Variants in SLCO2A1 observed in about 807,000 individuals in gnomAD.
SLCO2A1 encodes the protein matrin F/G 1.
In SLCO2A1, 60 loss-of-function variants were observed where a neutral mutation model predicts 71.7. The observed-to-expected ratio is 0.84, with a 90% CI of 0.68 to 1.04. The LOEUF is 1.04. Ranked by LOEUF, SLCO2A1 falls within the 50% of genes least tolerant of loss-of-function variation. The pLI, the probability that SLCO2A1 is intolerant of heterozygous loss-of-function variation, is 0.00. For synonymous variants in SLCO2A1, 308 were observed against 326.7 expected (o/e 0.94, Z 0.62); for missense variants, 745 against 813.4 (o/e 0.92, Z 1.02).
chr3:134,006,732 A>T (rs1335098042), intron 1 of SLCO2A1, among the ~76,000 whole-genome samples: 1 of 152,202 alleles, frequency 6.6e-6, no homozygotes, highest in African/African-American at 2.4e-5. Context: ...ATTGATGGAC[A>T]TCTGGGTTAT....
chr3:133,942,553 G>A (rs753703279), intron 11 of SLCO2A1, 52 bp downstream of exon 11: 12 of 1,546,614 alleles, frequency 7.8e-6, no homozygotes, highest in Middle Eastern at 3.7e-4. Flanking sequence ...GTCAAAGGGA[G>A]ATGTGGGGAA....
chr3:133,987,787 T>C (rs1269641955), intron 1 of SLCO2A1, among the ~76,000 whole-genome samples: 2 of 151,916 alleles, frequency 1.3e-5, no homozygotes, highest in African/African-American at 2.4e-5. Flanking sequence ...AGTCCAGGAG[T>C]TGGAGGAAAA....
intron 1 of SLCO2A1, among the ~76,000 whole-genome samples, chr3:133,989,946 G>T (rs1934802482): frequency 6.6e-6 from 1 of 152,248 alleles, no homozygotes; most frequent in Non-Finnish European, 1.5e-5. Flanking sequence ...AGCCAGAGGA[G>T]CAGGGCTTCC....
chr3:133,938,596 G>A, intron 11 of SLCO2A1, 103 bp from the exon 12 acceptor site: 1 of 1,029,904 alleles, frequency 9.7e-7, no homozygotes, highest in South Asian at 1.3e-5. Flanking sequence ...CAGCCCTGAT[G>A]TGGCCTGACG....
intron 13 of SLCO2A1, among the ~76,000 whole-genome samples, chr3:133,935,394 G>GC: frequency 6.6e-6 from 1 of 152,258 alleles, no homozygotes; most frequent in South Asian, 2.1e-4. Context: ...CCATGATGTG[G>GC]CCCCCCTCTG....
intron 9 of SLCO2A1, among the ~76,000 whole-genome samples, chr3:133,946,712 A>G (rs1326807198): frequency 6.6e-6 from 1 of 152,214 alleles, no homozygotes; most frequent in East Asian, 1.9e-4. Flanking sequence ...TCTTAAGAAA[A>G]CAGAACTCTA....
At chr3:133,943,167 A>G (rs1933474610) in intron 10 of SLCO2A1, among the ~76,000 whole-genome samples, 1 of 152,238 alleles carries the variant, frequency 6.6e-6, no homozygotes, top group Non-Finnish European at 1.5e-5. Flanking sequence ...AGAGGGAGGC[A>G]TAAACAGTAG....
intron 4 of SLCO2A1, among the ~76,000 whole-genome samples, chr3:133,954,153 CT>C (rs60871049): frequency 0.19 from 11,501 of 60,874 alleles, 1,245 homozygotes; most frequent in Non-Finnish European, 0.29. Flanking sequence ...GTGGTGTGTT[CT>C]TTTTTTTTTT....
chr3:133,982,645 C>T (rs1241275139), intron 1 of SLCO2A1, among the ~76,000 whole-genome samples: 3 of 152,162 alleles, frequency 2.0e-5, no homozygotes, highest in East Asian at 3.9e-4. Flanking sequence ...CCCCATCCCT[C>T]AGCCCCATGG....
chr3:133,999,904 T>G (rs894811056), intron 1 of SLCO2A1, among the ~76,000 whole-genome samples: 2 of 152,206 alleles, frequency 1.3e-5, no homozygotes, highest in African/African-American at 4.8e-5. Flanking sequence ...CGAAGACTTC[T>G]GAGCAGAGAT....
intron 3 of SLCO2A1, among the ~76,000 whole-genome samples, chr3:133,968,527 T>A (rs1934243718): frequency 6.6e-6 from 1 of 152,200 alleles, no homozygotes. Flanking sequence ...ACTTCATGAA[T>A]AAAGGACTGG....
intron 1 of SLCO2A1, among the ~76,000 whole-genome samples, chr3:134,018,848 C>T (rs1559960297): frequency 1.3e-5 from 2 of 149,774 alleles, no homozygotes; most frequent in African/African-American, 2.5e-5. Context: ...GAGCAGATCT[C>T]TGCTTCTTAA....
chr3:133,948,732 G>A lies in SLCO2A1; in HGVS notation c.941-32C>T, dbSNP rs368579406. On this transcript the variant is annotated intron_variant, in intron 7 of 13. Coordinates refer to ENST00000310926, the MANE Select transcript of SLCO2A1 (RefSeq NM_005630.3). ...ACAGACCGCTGTCAAGGCTCTGGCA[G>A]AACCCCTGGGCTGCAGGCACACCTA... 5.2e-5 allele frequency: 83 copies of A among 1,608,128 alleles called. No homozygotes were observed. In the African/African-American group the frequency reaches 1.1e-3, roughly 21 times the overall value.
intron 1 of SLCO2A1, among the ~76,000 whole-genome samples, chr3:134,017,686 G>T (rs1405354257): frequency 3.9e-5 from 6 of 152,216 alleles, no homozygotes; most frequent in Non-Finnish European, 8.8e-5. Flanking sequence ...CGCCGCCACA[G>T]GCAGAAAGGG....
chr3:134,019,403 T>A (rs1243823321), intron 1 of SLCO2A1, among the ~76,000 whole-genome samples: 1 of 152,208 alleles, frequency 6.6e-6, no homozygotes, highest in Non-Finnish European at 1.5e-5. Context: ...TTAATCATCA[T>A]TATTATTATT....
intron 1 of SLCO2A1, among the ~76,000 whole-genome samples, chr3:133,994,586 T>A (rs1230613354): frequency 1.3e-5 from 2 of 152,244 alleles, no homozygotes; most frequent in Non-Finnish European, 2.9e-5. Context: ...ATGTTGATGG[T>A]GTCTGGGTTC....
chr3:134,022,107 TAA>T (rs1186534823), intron 1 of SLCO2A1, among the ~76,000 whole-genome samples: 3 of 150,942 alleles, frequency 2.0e-5, no homozygotes, highest in African/African-American at 4.9e-5. Context: ...GGAATTTATG[TAA>T]AAAGAGTATT....
At chr3:133,949,544 C>T (rs1013142797) in intron 6 of SLCO2A1, among the ~76,000 whole-genome samples, 1 of 152,206 alleles carries the variant, frequency 6.6e-6, no homozygotes, top group African/African-American at 2.4e-5. Flanking sequence ...TTGTCAGCTC[C>T]AGCCTAAGGC....
chr3:133,962,870 A>G (rs1374908118), intron 3 of SLCO2A1, among the ~76,000 whole-genome samples: 4 of 152,128 alleles, frequency 2.6e-5, no homozygotes, highest in Non-Finnish European at 5.9e-5. Context: ...TGCCTGCCCA[A>G]ACACAGCCAC....
Sources: gnomAD v4.1 joint callset for allele counts (sites outside exome capture counted in the v4.1 genomes callset) on GRCh38, gnomAD v4.1.1 for gene constraint, MANE v1.5 for transcripts, NCBI Gene and HGNC (gene_info 2026-07-23, HGNC 2026-07-21) for gene names.